Variants in GPC5 observed in about 807,000 individuals in gnomAD.
The protein encoded by GPC5 is glypican-5.
GPC5 carries 47 observed loss-of-function variants against 53.9 expected under a neutral mutation model. The ratio of observed to expected loss-of-function variants is 0.87; its 90% confidence interval spans 0.69 to 1.11. GPC5 has a LOEUF of 1.11. GPC5 is among the 50% of genes most tolerant of loss of function. The pLI, the probability that GPC5 is intolerant of heterozygous loss-of-function variation, is 0.00. For missense variants in GPC5, 748 were observed against 713.1 expected, an observed-to-expected ratio of 1.05 and a Z score of -0.56; for synonymous variants, 286 against 263.3, an observed-to-expected ratio of 1.09 and a Z score of -0.84.
chr13:92,373,727 CACA>C (rs1366188505), intron 7 of GPC5, among the ~76,000 whole-genome samples: 30 of 152,266 alleles, frequency 2.0e-4, no homozygotes, highest in African/African-American at 6.7e-4. Flanking sequence ...TTGTATACAT[CACA>C]ACATCCATTC....
chr13:92,662,114 T>C (rs1455368477), intron 7 of GPC5, among the ~76,000 whole-genome samples: 1 of 152,204 alleles, frequency 6.6e-6, no homozygotes, highest in African/African-American at 2.4e-5. Flanking sequence ...CATCTAGAGC[T>C]GAACTTTTAA....
intron 2 of GPC5, among the ~76,000 whole-genome samples, chr13:91,494,094 G>A (rs796281961): frequency 1.1e-4 from 16 of 151,592 alleles, no homozygotes; most frequent in African/African-American, 3.9e-4. Context: ...GTTACAACAT[G>A]TTGGCCAGGA....
At chr13:92,809,962 T>C (rs1337038577) in intron 7 of GPC5, among the ~76,000 whole-genome samples, 1 of 152,088 alleles carries the variant, frequency 6.6e-6, no homozygotes, top group African/African-American at 2.4e-5. Context: ...ATTTCCCCTA[T>C]ATACTATATT....
intron 4 of GPC5, among the ~76,000 whole-genome samples, chr13:91,747,156 A>G (rs989651684): frequency 6.6e-6 from 1 of 152,242 alleles, no homozygotes; most frequent in Admixed American, 6.5e-5. Flanking sequence ...TATTACTTTT[A>G]TAATTAAACA....
chr13:92,020,605 A>G (rs769865466), intron 6 of GPC5, among the ~76,000 whole-genome samples: 3 of 151,218 alleles, frequency 2.0e-5, no homozygotes, highest in African/African-American at 4.9e-5. Context: ...TTCTATTTAT[A>G]TACCTGTTGG....
intron 2 of GPC5, among the ~76,000 whole-genome samples, chr13:91,501,464 C>G (rs763316854): frequency 6.6e-6 from 1 of 151,998 alleles, no homozygotes; most frequent in Non-Finnish European, 1.5e-5. Context: ...TCTCATTGTT[C>G]AATTCCCACC....
chr13:91,413,772 C>T (rs1449993293), intron 1 of GPC5, among the ~76,000 whole-genome samples: 1 of 152,064 alleles, frequency 6.6e-6, no homozygotes, highest in African/African-American at 2.4e-5. Context: ...TGATCTGGCC[C>T]CTTCTTTTTT....
chr13:92,848,850 G>C (rs2138841844), intron 7 of GPC5, among the ~76,000 whole-genome samples: 1 of 152,268 alleles, frequency 6.6e-6, no homozygotes, highest in South Asian at 2.1e-4. Context: ...ATGTCACATG[G>C]GATTAGATAC....
chr13:92,442,873 A>G (rs371614925), intron 7 of GPC5, among the ~76,000 whole-genome samples: 160 of 152,340 alleles, frequency 1.1e-3, no homozygotes, highest in African/African-American at 3.8e-3. Context: ...CATTTGTTCC[A>G]GATAGCTCTA....
chr13:91,960,821 C>T (rs9583973), intron 6 of GPC5, among the ~76,000 whole-genome samples: 7,150 of 151,926 alleles, frequency 0.047, 204 homozygotes, highest in Middle Eastern at 0.065. Flanking sequence ...AAGACACCCT[C>T]TTCAAAAAGT....
intron 6 of GPC5, among the ~76,000 whole-genome samples, chr13:92,006,816 A>C (rs1311770330): frequency 2.0e-5 from 3 of 152,084 alleles, no homozygotes; most frequent in African/African-American, 7.2e-5. Flanking sequence ...TAATTTTGTG[A>C]GTTTCATAGC....
intron 6 of GPC5, among the ~76,000 whole-genome samples, chr13:92,079,075 G>A (rs894357884): frequency 5.3e-5 from 8 of 151,812 alleles, no homozygotes; most frequent in Admixed American, 5.2e-4. Flanking sequence ...TTTCGAGATG[G>A]AATTTCACTC....
intron 2 of GPC5, among the ~76,000 whole-genome samples, chr13:91,596,844 G>A (rs76368025): frequency 0.012 from 1,848 of 152,126 alleles, 25 homozygotes; most frequent in African/African-American, 0.043. Context: ...ATTCTTTTGG[G>A]TGTTATTTTC....
chr13:92,602,220 A>AATAT (rs10675978), intron 7 of GPC5, among the ~76,000 whole-genome samples: 44 of 110,238 alleles, frequency 4.0e-4, no homozygotes, highest in African/African-American at 6.9e-4. Flanking sequence ...CATATATATA[A>AATAT]ATATATATAT....
intron 7 of GPC5, among the ~76,000 whole-genome samples, chr13:92,310,968 A>G (rs564408920): frequency 6.6e-6 from 1 of 152,286 alleles, no homozygotes; most frequent in African/African-American, 2.4e-5. Flanking sequence ...TCATTATTCC[A>G]CGAATATTTT....
intron 7 of GPC5, among the ~76,000 whole-genome samples, chr13:92,621,050 G>A (rs756089592): frequency 1.3e-5 from 2 of 152,176 alleles, no homozygotes; most frequent in Non-Finnish European, 2.9e-5. Context: ...GAAACCTACA[G>A]TGGGAAGCTG....
chr13:91,663,508 AGTGCAGTGGCAT>A (rs1203717863), intron 2 of GPC5, among the ~76,000 whole-genome samples: 1 of 152,028 alleles, frequency 6.6e-6, no homozygotes, highest in Admixed American at 6.6e-5. Context: ...TTCAGGCTGG[AGTGCAGTGGCAT>A]GTTCAAAGCT....
chr13:92,434,581 G>A (rs1426977535), intron 7 of GPC5, among the ~76,000 whole-genome samples: 1 of 152,028 alleles, frequency 6.6e-6, no homozygotes, highest in Non-Finnish European at 1.5e-5. Context: ...CGTGATATCA[G>A]GAAATAATGG....
At chr13:91,667,024 G>C (rs539420405) in intron 2 of GPC5, among the ~76,000 whole-genome samples, 12 of 152,258 alleles carry the variant, frequency 7.9e-5, no homozygotes, top group Non-Finnish European at 1.3e-4. Flanking sequence ...TTTCACCATA[G>C]AGAATTATGT....
Sources: gnomAD v4.1 joint callset for allele counts (sites outside exome capture counted in the v4.1 genomes callset) on GRCh38, gnomAD v4.1.1 for gene constraint, MANE v1.5 for transcripts, NCBI Gene and HGNC (gene_info 2026-07-23, HGNC 2026-07-21) for gene names.